The following ALG1L2 variants were observed in gnomAD, a reference collection of about 807,000 sequenced individuals.
ALG1L2 encodes putative glycosyltransferase ALG1L2.
ALG1L2 carries 32 observed loss-of-function variants against 29.0 expected under a neutral mutation model. The ratio of observed to expected loss-of-function variants is 1.10; its 90% CI spans 0.83 to 1.48. The LOEUF (loss-of-function observed/expected upper bound fraction) is 1.48. Ranked by LOEUF, ALG1L2 falls within the 40% of genes most tolerant of loss-of-function variation. ALG1L2 has a pLI of 0.00. For synonymous variants in ALG1L2, 110 were observed against 109.5 expected (o/e 1.00, Z -0.03); for missense variants, 318 against 274.1 (o/e 1.16, Z -1.13).
chr3:130,090,938 C>T, intron 1 of ALG1L2: 1 of 329,814 alleles, frequency 3.0e-6, no homozygotes, highest in East Asian at 7.1e-5. Context: ...CATTCCTCCA[C>T]ACAATAACAG....
chr3:130,084,364 G>A (rs375152263), intron 1 of ALG1L2, among the ~76,000 whole-genome samples: 1,962 of 147,054 alleles, frequency 0.013, 17 homozygotes, highest in Admixed American at 0.027. Flanking sequence ...GCCTCATAAA[G>A]GAGATGGAGA....
rs967454803 is a variant in ALG1L2, at chr3:130,094,190, G to A, written c.314-213G>A. On this transcript the variant is annotated intron_variant, in intron 4 of 7. Coordinates refer to ENST00000425059, the MANE Select transcript of ALG1L2 (RefSeq NM_001136152.1). ...CCGAGGCCAGCTGGTTGCAGGTGCAGGGCTATGCATCAGGGGTCAGGGTGC... is the reference window on the plus strand; with the variant it reads ...CCGAGGCCAGCTGGTTGCAGGTGCAAGGCTATGCATCAGGGGTCAGGGTGC... 41 of 602,516 alleles carry A rather than the reference G, an allele frequency of 6.8e-5. No homozygotes were observed. In the African/African-American group the frequency reaches 7.0e-4, roughly 10 times the overall value. 37.3% of individuals were successfully genotyped at this position (602,516 alleles called of 1,614,324 possible).
intron 1 of ALG1L2, among the ~76,000 whole-genome samples, chr3:130,086,722 C>G (rs72988394): frequency 7.6e-6 from 1 of 131,656 alleles, no homozygotes; most frequent in Non-Finnish European, 1.8e-5. Flanking sequence ...TGGGCCAAAA[C>G]GTAGAAAAAG....
intron 1 of ALG1L2, among the ~76,000 whole-genome samples, chr3:130,084,291 C>G (rs1307440139): frequency 7.6e-6 from 1 of 132,128 alleles, no homozygotes; most frequent in African/African-American, 2.6e-5. Flanking sequence ...GACCCCATTT[C>G]CCCCCCTCAA....
intron 1 of ALG1L2, among the ~76,000 whole-genome samples, chr3:130,087,485 A>G (rs1357776753): frequency 7.4e-6 from 1 of 134,432 alleles, no homozygotes; most frequent in African/African-American, 2.5e-5. Flanking sequence ...TAACTGGCGA[A>G]ATCTGAATGA....
At chr3:130,091,179 A>T (rs6779417) in intron 1 of ALG1L2, 82 bp from the exon 2 acceptor site, 34 of 1,354,526 alleles carry the variant, frequency 2.5e-5, no homozygotes, top group Non-Finnish European at 3.4e-5. Flanking sequence ...GACGTTGGGC[A>T]TGGAACCCAA....
Position 130,091,998 on chromosome 3 carries a change from C to A in ALG1L2, c.132-103C>A, listed in dbSNP as rs751844218. The stretch of plus-strand genomic sequence containing the variant: ...GGTGCTGCTGATGCAGCCGGGCACC[C>A]CAACCGTTGGGAGCCTGCAGGCCTC... On this transcript the variant is annotated intron_variant, in intron 2 of 7. Transcript: ENST00000425059. The A allele has an allele frequency of 1.7e-4, 271 of 1,559,622 alleles. 3 individuals carry two copies. Among genetic ancestry groups the A allele is most frequent in the Admixed American group, 2.7e-4 (14 of 52,442 alleles).
Position 130,091,321 on chromosome 3 carries a change from G to C in ALG1L2, c.81G>C (p.Gln27His). The change falls in exon 2 of 8, where the codon CAG becomes CAC. Residue 27 changes from glutamine (Q) to histidine (H), a missense_variant. Transcript: ENST00000425059. ...SFFKEAPLDL[Q>H]HRLFMKLGST... ...TTAAAGAGGCACCTCTGGACCTGCA[G>C]CACCGGCTCTTCATGAAGCTGGGCA... The C allele has an allele frequency of 6.3e-7, 1 of 1,598,200 alleles. No individual in the cohort carries two copies. The highest frequency in any genetic ancestry group is 2.2e-5 in the East Asian group (1 of 44,880).
chr3:130,089,747 A>G (rs985830698), intron 1 of ALG1L2, among the ~76,000 whole-genome samples: 3 of 152,306 alleles, frequency 2.0e-5, no homozygotes, highest in East Asian at 1.9e-4. Flanking sequence ...TTTTATTAAA[A>G]TTAAATTGAA....
chr3:130,089,009 A>C (rs890000401), intron 1 of ALG1L2, among the ~76,000 whole-genome samples: 4 of 152,300 alleles, frequency 2.6e-5, no homozygotes, highest in African/African-American at 9.6e-5. Context: ...CAGCTGGCAG[A>C]AGGGAATTTG....
At chr3:130,086,894 G>A (rs560163167) in intron 1 of ALG1L2, among the ~76,000 whole-genome samples, 9 of 151,678 alleles carry the variant, frequency 5.9e-5, no homozygotes, top group South Asian at 4.2e-4. Context: ...TAGATAGAAT[G>A]TTCTCCTTCC....
intron 3 of ALG1L2, 30 bp from the exon 4 acceptor site, chr3:130,093,070 CA>C (rs1307653822): frequency 1.0e-5 from 15 of 1,491,642 alleles, no homozygotes; most frequent in Non-Finnish European, 1.3e-5. Flanking sequence ...TCAGAAATTC[CA>C]TGTAGAATTG....
At chr3:130,091,657 T>C in intron 2 of ALG1L2, 1 of 543,324 alleles carries the variant, frequency 1.8e-6, no homozygotes. Flanking sequence ...TTAAGGAATG[T>C]TAAAGGGTCT....
rs756088026 is a variant in ALG1L2, at chr3:130,094,558, C to T, written c.424+45C>T. 4.8e-6 allele frequency: 6 copies of T among 1,246,256 alleles called. No homozygotes were observed. The South Asian group carries it at 7.7e-5, about 16-fold the overall frequency. The allele number at this position is 1,246,256 out of a possible 1,614,324, so 77.2% of individuals were successfully genotyped here. A position where few individuals can be genotyped will look rare whatever the true frequency, so the allele number is the denominator to read the frequency against. On this transcript the variant is annotated intron_variant, in intron 5 of 7. Transcript: ENST00000425059. ...CTCAGGGAGGAGGCGGGGCCTTATG[C>T]AGGGGGAACAGGGGTGGGCGGGGTG...
At chr3:130,089,821 A>G (rs1934973369) in intron 1 of ALG1L2, among the ~76,000 whole-genome samples, 1 of 152,302 alleles carries the variant, frequency 6.6e-6, no homozygotes, top group Non-Finnish European at 1.5e-5. Flanking sequence ...CAGGTGGATC[A>G]CCTGAGGTCA....
At chr3:130,083,626 G>A (rs550364677) in intron 1 of ALG1L2, among the ~76,000 whole-genome samples, 1 of 133,460 alleles carries the variant, frequency 7.5e-6, no homozygotes, top group East Asian at 2.1e-4. Flanking sequence ...AAGAGGAACA[G>A]TATAATCCAT....
Position 130,098,365 on chromosome 3 carries a change from C to T in ALG1L2, c.*110C>T, listed in dbSNP as rs200632453. 1.2e-4 allele frequency: 197 copies of T among 1,596,160 alleles called. No individual in the cohort carries two copies. The highest frequency in any genetic ancestry group is 3.5e-4 in the Admixed American group (21 of 59,978). ...GCTCCCTTTGGTTATGGACACATAA[C>T]TCCTGGGCCAGAGGCTAAAACCCCA... On this transcript the variant is annotated 3_prime_UTR_variant, in exon 8 of 8. Transcript: ENST00000425059.
rs1250522986 is a variant in ALG1L2, at chr3:130,094,428, C to G, written c.339C>G (p.Tyr113Ter). ...GCAAAGGGCCTCTGAGGGAGTATTA[C>G]AGCCGCCTCATCCACCAGAAGCATT... is the stretch of plus-strand genomic sequence containing the variant. Reference protein sequence around the residue: ...ITGKGPLREYYSRLIHQKHFQ... With the variant: ...ITGKGPLREY Residue 113 changes from tyrosine to a stop codon, truncating the protein, a stop_gained, in exon 5 of 8, where the codon TAC becomes TAG. Coordinates refer to ENST00000425059, the MANE Select transcript of ALG1L2 (RefSeq NM_001136152.1). LOFTEE classifies it high-confidence loss of function. The G allele has an allele frequency of 6.3e-7, 1 of 1,596,308 alleles. No homozygotes were observed. The highest frequency in any genetic ancestry group is 1.7e-5 in the Admixed American group (1 of 60,020).
rs776238755 is a variant in ALG1L2 at position 130,092,097 on chromosome 3, T to A, written c.132-4T>A. The A allele has an allele frequency of 2.4e-5, 38 of 1,613,424 alleles. No individual in the cohort carries two copies. Among genetic ancestry groups the A allele is most frequent in the Non-Finnish European group, 3.2e-5 (38 of 1,179,786 alleles). ...TCTCACAGGGTTTTTTTCTGCTCCTTCAGCTCAGAACCTGAGGACCCAGAC... is the reference window on the plus strand; with the variant it reads ...TCTCACAGGGTTTTTTTCTGCTCCTACAGCTCAGAACCTGAGGACCCAGAC... On this transcript the variant is annotated splice_region_variant and splice_polypyrimidine_tract_variant and intron_variant, in intron 2 of 7. Coordinates refer to ENST00000425059, the MANE Select transcript of ALG1L2 (RefSeq NM_001136152.1).
Sources: gnomAD v4.1 joint callset for allele counts (sites outside exome capture counted in the v4.1 genomes callset) on GRCh38, gnomAD v4.1.1 for gene constraint, MANE v1.5 for transcripts, NCBI Gene and HGNC (gene_info 2026-07-23, HGNC 2026-07-21) for gene names.